MUSK: variants seen among roughly 807,000 people sequenced by gnomAD.
The protein encoded by MUSK is muscle, skeletal receptor tyrosine-protein kinase.
In MUSK, 55 loss-of-function variants were observed where a neutral mutation model predicts 88.7. The observed-to-expected ratio is 0.62, with a 90% confidence interval of 0.50 to 0.78. The LOEUF is 0.78. Ranked by LOEUF, MUSK falls within the 30% of genes least tolerant of loss-of-function variation. The pLI is 0.00. For synonymous variants in MUSK, 387 were observed against 391.9 expected (o/e 0.99, Z 0.15); for missense variants, 1,015 against 1,074.3 (o/e 0.94, Z 0.77).
At chr9:110,679,684 CT>C (rs1285165533) in intron 1 of MUSK, among the ~76,000 whole-genome samples, 1 of 151,742 alleles carries the variant, frequency 6.6e-6, no homozygotes, top group African/African-American at 2.4e-5. Context: ...TCTGGTACCT[CT>C]TTTTTTCTCT....
intron 5 of MUSK, among the ~76,000 whole-genome samples, chr9:110,711,729 C>A (rs1237222670): frequency 6.6e-6 from 1 of 152,096 alleles, no homozygotes; most frequent in East Asian, 1.9e-4. Flanking sequence ...GTTGATGCAC[C>A]TGTGTAAAGA....
At chr9:110,683,187 T>G (rs185266082) in intron 2 of MUSK, among the ~76,000 whole-genome samples, 1 of 152,092 alleles carries the variant, frequency 6.6e-6, no homozygotes, top group Non-Finnish European at 1.5e-5. Flanking sequence ...ATGAGTTCAA[T>G]TGTTTTGATG....
rs1489885886 is a variant in MUSK at position 110,803,771 on chromosome 9, T to C, written c.*2783T>C. On this transcript the variant is annotated 3_prime_UTR_variant, in exon 15 of 15. Transcript: ENST00000374448. ...CTTATTCCCTAAGTGCTCGATCTAA[T>C]GTTCTGAATCACAGGAGTATAGATG... Among the ~76,000 whole-genome samples, 1 of 152,258 alleles carries C rather than the reference T, an allele frequency of 6.6e-6. No homozygotes were observed. The highest frequency in any genetic ancestry group is 2.4e-5 in the African/African-American group (1 of 41,466).
intron 3 of MUSK, among the ~76,000 whole-genome samples, chr9:110,688,105 T>C (rs1426785042): frequency 6.6e-6 from 1 of 152,108 alleles, no homozygotes; most frequent in Admixed American, 6.6e-5. Flanking sequence ...TGTATTCCTA[T>C]ACAAAATCTT....
intron 5 of MUSK, among the ~76,000 whole-genome samples, chr9:110,726,274 C>G (rs974154682): frequency 4.6e-5 from 7 of 152,022 alleles, no homozygotes; most frequent in African/African-American, 1.4e-4. Flanking sequence ...AGTTCATCCA[C>G]TGTTTACTTA....
intron 5 of MUSK, among the ~76,000 whole-genome samples, chr9:110,732,662 T>G (rs1027504315): frequency 6.6e-6 from 1 of 152,126 alleles, no homozygotes; most frequent in Non-Finnish European, 1.5e-5. Context: ...ACCCCAGGAC[T>G]TACTTAAAAT....
chr9:110,719,940 C>G (rs2076789600), intron 5 of MUSK, among the ~76,000 whole-genome samples: 2 of 151,962 alleles, frequency 1.3e-5, no homozygotes, highest in African/African-American at 4.8e-5. Flanking sequence ...CAAAAGGAAC[C>G]CTCAAAACCA....
intron 7 of MUSK, among the ~76,000 whole-genome samples, chr9:110,751,110 C>T (rs1325871684): frequency 1.3e-5 from 2 of 152,152 alleles, no homozygotes; most frequent in East Asian, 3.9e-4. Flanking sequence ...ATCTACTCCA[C>T]ACAAGGGAAG....
intron 7 of MUSK, among the ~76,000 whole-genome samples, chr9:110,748,244 T>G (rs939464809): frequency 6.6e-6 from 1 of 151,722 alleles, no homozygotes; most frequent in African/African-American, 2.4e-5. Flanking sequence ...TAATTTCCTT[T>G]CCTTTTCCCC....
chr9:110,709,917 G>A (rs897548804), intron 5 of MUSK, among the ~76,000 whole-genome samples: 1 of 152,102 alleles, frequency 6.6e-6, no homozygotes, highest in Non-Finnish European at 1.5e-5. Flanking sequence ...GGCTGAGGCA[G>A]GAGGATTGCT....
chr9:110,790,088 T>C (rs1015640003), intron 14 of MUSK, among the ~76,000 whole-genome samples: 6 of 151,832 alleles, frequency 4.0e-5, no homozygotes, highest in Admixed American at 1.3e-4. Flanking sequence ...ACCAATGAAA[T>C]AGAAGTAAAT....
At chr9:110,689,729 G>GATA (rs2076276919) in intron 3 of MUSK, among the ~76,000 whole-genome samples, 1 of 25,206 alleles carries the variant, frequency 4.0e-5, no homozygotes, top group Admixed American at 6.4e-4. Flanking sequence ...GTTATATATA[G>GATA]TTTATATATA....
chr9:110,761,956 AC>A, intron 7 of MUSK: 1 of 982,160 alleles, frequency 1.0e-6, no homozygotes, highest in Non-Finnish European at 1.2e-6. Flanking sequence ...GGTGGATGTT[AC>A]CCATGATTGA....
At chr9:110,739,669 C>T (rs1459144108) in intron 6 of MUSK, among the ~76,000 whole-genome samples, 3 of 152,156 alleles carry the variant, frequency 2.0e-5, no homozygotes, top group Non-Finnish European at 4.4e-5. Flanking sequence ...AGGGTTTGAG[C>T]ACCTCGAGCC....
At chr9:110,776,329 T>A (rs1380703317) in intron 10 of MUSK, among the ~76,000 whole-genome samples, 1 of 152,186 alleles carries the variant, frequency 6.6e-6, no homozygotes, top group Admixed American at 6.6e-5. Flanking sequence ...AAAGTCCTTT[T>A]TCTTAGCCAA....
At chr9:110,782,685 C>T (rs773129564) in intron 11 of MUSK, among the ~76,000 whole-genome samples, 1 of 152,126 alleles carries the variant, frequency 6.6e-6, no homozygotes, top group African/African-American at 2.4e-5. Flanking sequence ...AAGCAAAGCT[C>T]GTCAATTTAA....
intron 5 of MUSK, among the ~76,000 whole-genome samples, chr9:110,702,772 A>G (rs1284028073): frequency 6.6e-6 from 1 of 152,140 alleles, no homozygotes. Context: ...ACATGCCTCT[A>G]GTCTCAACTA....
At chr9:110,736,983 C>A (rs67799713) in intron 6 of MUSK, among the ~76,000 whole-genome samples, 19,129 of 151,966 alleles carry the variant, frequency 0.13, 1,525 homozygotes, top group East Asian at 0.31. Context: ...TTTATTATAT[C>A]TCTTATTAGA....
At chr9:110,798,168 C>T (rs2078039965) in intron 14 of MUSK, among the ~76,000 whole-genome samples, 1 of 152,000 alleles carries the variant, frequency 6.6e-6, no homozygotes. Flanking sequence ...TAAGTTAATC[C>T]CAGTGAAATA....
Sources: allele counts gnomAD v4.1 joint callset (sites outside exome capture counted in the v4.1 genomes callset), GRCh38; gene constraint gnomAD v4.1.1; transcripts MANE v1.5; gene names NCBI Gene and HGNC (gene_info 2026-07-23, HGNC 2026-07-21).